Variants in COL4A2 observed in about 807,000 individuals in gnomAD.
COL4A2 encodes collagen alpha-2(IV) chain.
Under a neutral mutation model 200.2 loss-of-function variants are expected in COL4A2, and 99 were observed. The observed-to-expected ratio is 0.49, with a 90% CI of 0.42 to 0.58. COL4A2 has a LOEUF of 0.58. Among genes scored for constraint, COL4A2 ranks in the 20% least tolerant of loss-of-function variants. The probability of loss-of-function intolerance (pLI) is 0.00; values close to 1 mark genes in which losing one functional copy is unlikely to be tolerated. For missense variants in COL4A2, 1,950 were observed against 2,314.1 expected (o/e 0.84, Z 3.23); for synonymous variants, 897 against 900.6 (o/e 1.00, Z 0.07).
At chr13:110,437,607 C>T (rs1304252254) in intron 13 of COL4A2, among the ~76,000 whole-genome samples, 1 of 152,184 alleles carries the variant, frequency 6.6e-6, no homozygotes, top group Admixed American at 6.5e-5. Context: ...CCATGTGTAT[C>T]TTTTTCTCAG....
At chr13:110,358,688 T>C (rs1877389001) in intron 4 of COL4A2, among the ~76,000 whole-genome samples, 1 of 152,230 alleles carries the variant, frequency 6.6e-6, no homozygotes, top group African/African-American at 2.4e-5. Flanking sequence ...AGTCTGTTGT[T>C]GACCAAAAAG....
intron 4 of COL4A2, among the ~76,000 whole-genome samples, chr13:110,407,834 T>C (rs9301454): frequency 0.62 from 94,676 of 152,044 alleles, 29,603 homozygotes; most frequent in Admixed American, 0.66. Context: ...TTCTGAAGCC[T>C]GGCTTGTGGG....
At chr13:110,339,998 C>T (rs1030645653) in intron 3 of COL4A2, among the ~76,000 whole-genome samples, 4 of 152,238 alleles carry the variant, frequency 2.6e-5, no homozygotes, top group African/African-American at 9.6e-5. Context: ...ATGACATTGC[C>T]AGAATGGCTT....
At chr13:110,389,461 C>T (rs865885095) in intron 4 of COL4A2, among the ~76,000 whole-genome samples, 2 of 152,324 alleles carry the variant, frequency 1.3e-5, no homozygotes, top group South Asian at 4.1e-4. Context: ...GAGCAGTGAT[C>T]AGCAGCAGCG....
intron 3 of COL4A2, among the ~76,000 whole-genome samples, chr13:110,354,626 GT>G (rs58713084): frequency 0.029 from 4,174 of 144,502 alleles, 75 homozygotes; most frequent in Non-Finnish European, 0.045. Context: ...ACTTTTTGGA[GT>G]TTTTTTTTTT....
chr13:110,407,766 CAG>C (rs753906445), intron 4 of COL4A2, among the ~76,000 whole-genome samples: 47 of 152,168 alleles, frequency 3.1e-4, no homozygotes, highest in Admixed American at 1.9e-3. Flanking sequence ...CCAGTGGAAT[CAG>C]TGCCCTCCCA....
At chr13:110,459,063 TAAACCA>T in intron 22 of COL4A2, 129 bp downstream of exon 22, 1 of 913,478 alleles carries the variant, frequency 1.1e-6, no homozygotes. Flanking sequence ...AAGGCATGGC[TAAACCA>T]TTCTAAAAAC....
chr13:110,326,638 C>A (rs1007484354), intron 3 of COL4A2, among the ~76,000 whole-genome samples: 1 of 152,164 alleles, frequency 6.6e-6, no homozygotes, highest in African/African-American at 2.4e-5. Context: ...GCCTTCAGGG[C>A]GAGGTCACAC....
At chr13:110,507,639 A>T (rs1307605491) in intron 46 of COL4A2, 1 of 505,138 alleles carries the variant, frequency 2.0e-6, no homozygotes, top group African/African-American at 1.9e-5. Context: ...CACTAAGGTA[A>T]GGCTCACCCA....
chr13:110,336,681 G>C (rs996035467), intron 3 of COL4A2, among the ~76,000 whole-genome samples: 1 of 152,194 alleles, frequency 6.6e-6, no homozygotes, highest in African/African-American at 2.4e-5. Flanking sequence ...TGGACCTCAG[G>C]GGGTGGCATC....
In COL4A2 at chr13:110,491,408, T is replaced by C. The variant is rs413756; in HGVS notation, c.3454+68T>C. The C allele has an allele frequency of 0.71, 732,070 of 1,033,438 alleles. 260,474 individuals carry two copies. Among genetic ancestry groups the C allele is most frequent in the East Asian group, 0.79 (30,423 of 38,496 alleles). 64.0% of individuals were successfully genotyped at this position (1,033,438 alleles called of 1,614,324 possible). On this transcript the variant is annotated intron_variant, in intron 37 of 47. Coordinates refer to ENST00000360467, the MANE Select transcript of COL4A2 (RefSeq NM_001846.4). The stretch of plus-strand genomic sequence containing the variant: ...TCCGGAGACCCCAGAACAAAGGCGG[T>C]CAACATTGTCAATTTCCTCCAATCA...
Position 110,502,950 on chromosome 13 carries a change from A to C in COL4A2, c.3878-171A>C, listed in dbSNP as rs958503668. 80 of 636,498 alleles carry C rather than the reference A, an allele frequency of 1.3e-4. 1 individual carries two copies. Among genetic ancestry groups the C allele is most frequent in the Non-Finnish European group, 1.9e-4 (68 of 362,194 alleles). The allele number at this position is 636,498 out of a possible 1,614,324, so 39.4% of individuals were successfully genotyped here. ...GCACCTAAAAATGATTAAAATGGTA[A>C]CTTTTATGTTCTACGTATTTTACGA... On this transcript the variant is annotated intron_variant, in intron 41 of 47. Transcript: ENST00000360467.
chr13:110,336,750 T>C (rs1463118676), intron 3 of COL4A2, among the ~76,000 whole-genome samples: 3 of 152,164 alleles, frequency 2.0e-5, no homozygotes, highest in Non-Finnish European at 4.4e-5. Flanking sequence ...ACATATTATA[T>C]ACAGAGCCTT....
intron 6 of COL4A2, 114 bp downstream of exon 6, chr13:110,425,111 ACACGTGG>A: frequency 8.2e-7 from 1 of 1,224,250 alleles, no homozygotes; most frequent in Non-Finnish European, 1.2e-6. Flanking sequence ...ATGACATAAA[ACACGTGG>A]GGACTATACG....
chr13:110,472,880 C>A (rs371878504), intron 28 of COL4A2, 49 bp from the exon 29 acceptor site: 7 of 1,516,850 alleles, frequency 4.6e-6, no homozygotes, highest in South Asian at 1.2e-5. Context: ...TCTCTTAGAA[C>A]GTCACCATGC....
intron 4 of COL4A2, among the ~76,000 whole-genome samples, chr13:110,417,889 A>G (rs917232231): frequency 2.7e-4 from 41 of 152,066 alleles, no homozygotes; most frequent in African/African-American, 9.9e-4. Context: ...GTGTGGATAT[A>G]GGCCTTCGTT....
chr13:110,452,832 T>C (rs1024155585), intron 20 of COL4A2, among the ~76,000 whole-genome samples: 4 of 152,130 alleles, frequency 2.6e-5, no homozygotes, highest in African/African-American at 9.7e-5. Flanking sequence ...GTATGATCTC[T>C]GCTCACTGCA....
At chr13:110,356,377 A>G (rs1877265035) in intron 3 of COL4A2, among the ~76,000 whole-genome samples, 1 of 152,100 alleles carries the variant, frequency 6.6e-6, no homozygotes, top group African/African-American at 2.4e-5. Context: ...ACACCCCTCA[A>G]ATGAAGTCGC....
At chr13:110,350,954 T>C (rs1197064065) in intron 3 of COL4A2, among the ~76,000 whole-genome samples, 4 of 152,256 alleles carry the variant, frequency 2.6e-5, no homozygotes, top group African/African-American at 9.6e-5. Flanking sequence ...CCTCCCATTT[T>C]ATTTGTGGTA....
Sources: gnomAD v4.1 joint callset for allele counts (sites outside exome capture counted in the v4.1 genomes callset) on GRCh38, gnomAD v4.1.1 for gene constraint, MANE v1.5 for transcripts, NCBI Gene and HGNC (gene_info 2026-07-23, HGNC 2026-07-21) for gene names.